The following CACNA1S variants were observed in gnomAD, a reference collection of about 807,000 sequenced individuals.
The protein encoded by CACNA1S is calcium voltage-gated channel subunit alpha1 S, also known as voltage-dependent L-type calcium channel subunit alpha-1S.
CACNA1S carries 126 observed loss-of-function variants against 207.4 expected under a neutral mutation model. That is an observed-to-expected ratio of 0.61 (90% confidence interval 0.53 to 0.70). The LOEUF (loss-of-function observed/expected upper bound fraction) is 0.70, where lower values mean the gene tolerates loss of function less well. CACNA1S is among the 30% of genes least tolerant of loss of function. The pLI is 0.00. For missense variants in CACNA1S, 2,349 were observed against 2,422.8 expected (o/e 0.97, Z 0.64); for synonymous variants, 960 against 932.7 (o/e 1.03, Z -0.53).
chr1:201,061,434 C>A lies in CACNA1S; in HGVS notation c.3088G>T (p.Asp1030Tyr), dbSNP rs755149027. ...LYKAIDSNAE[D>Y]VGPIYNNRVE... ...CGGTTGTTGTAGATGGGACCCACGT[C>A]CTCCGCATTGGAGTCTATGGCCTTG... The change falls in exon 25 of 44, where the codon GAC (aspartate) becomes TAC (tyrosine). Residue 1030 changes from aspartate to tyrosine, a missense_variant. Physicochemically the swap from Asp to Tyr is radical, Grantham distance 160. Coordinates refer to ENST00000362061, the MANE Select transcript of CACNA1S (RefSeq NM_000069.3). 2 of 1,614,210 alleles carry A rather than the reference C, an allele frequency of 1.2e-6. No homozygotes were observed. The highest frequency in any genetic ancestry group is 4.5e-5 in the East Asian group (2 of 44,882).
chr1:201,085,659 G>A, intron 7 of CACNA1S, 78 bp from the exon 8 acceptor site: 3 of 1,549,294 alleles, frequency 1.9e-6, no homozygotes, highest in Non-Finnish European at 2.7e-6. Context: ...CCTGAGGACA[G>A]ACAAGCCCAT....
chr1:201,087,139 C>T (rs1341975982), intron 7 of CACNA1S, among the ~76,000 whole-genome samples: 1 of 152,070 alleles, frequency 6.6e-6, no homozygotes. Flanking sequence ...GAGAACAGCT[C>T]TCATTAATAA....
At chr1:201,104,393 T>G (rs1056382312) in intron 2 of CACNA1S, among the ~76,000 whole-genome samples, 1 of 152,230 alleles carries the variant, frequency 6.6e-6, no homozygotes, top group Non-Finnish European at 1.5e-5. Context: ...TAGGAGGGAA[T>G]GTAACTTTGT....
Position 201,094,064 on chromosome 1 carries a change from G to A in CACNA1S, c.259-43C>T, listed in dbSNP as rs114176807. On this transcript the variant is annotated intron_variant, in intron 2 of 43. Transcript: ENST00000362061. ...GTCACAGCATGCCTCTGTGCTCTCT[G>A]AGTGCACCCTTGCTCTCTTCCCTGC... 1.1e-3 allele frequency: 1,728 copies of A among 1,613,132 alleles called. 17 individuals carry two copies. The African/African-American group carries it at 0.02, about 19-fold the overall frequency.
intron 11 of CACNA1S, 93 bp from the exon 12 acceptor site, chr1:201,077,220 G>T: frequency 9.3e-7 from 1 of 1,071,368 alleles, no homozygotes; most frequent in Non-Finnish European, 1.4e-6. Flanking sequence ...ACTCAGGACT[G>T]ATGTGACACA....
intron 19 of CACNA1S, among the ~76,000 whole-genome samples, chr1:201,068,629 T>C (rs995355357): frequency 1.3e-5 from 2 of 151,374 alleles, no homozygotes; most frequent in Non-Finnish European, 2.9e-5. Flanking sequence ...TCCCAGCACT[T>C]TGGGAGGCTG....
chr1:201,095,845 G>A (rs891484136), intron 2 of CACNA1S, among the ~76,000 whole-genome samples: 18 of 152,188 alleles, frequency 1.2e-4, no homozygotes, highest in East Asian at 3.9e-4. Flanking sequence ...CAAGAGGAGC[G>A]GGCTGGAGCA....
chr1:201,073,429 A>T, intron 15 of CACNA1S, 120 bp downstream of exon 15: 2 of 836,694 alleles, frequency 2.4e-6, no homozygotes, highest in Non-Finnish European at 4.2e-6. Flanking sequence ...AGATGCCCTC[A>T]CCTGGCTGAT....
At chr1:201,052,281 A>C (rs748458471) in intron 32 of CACNA1S, among the ~76,000 whole-genome samples, 9 of 152,170 alleles carry the variant, frequency 5.9e-5, no homozygotes, top group Non-Finnish European at 1.2e-4. Flanking sequence ...CTCTTGCTTC[A>C]TGGGGATGAG....
intron 3 of CACNA1S, 87 bp downstream of exon 3, chr1:201,093,795 C>T: frequency 6.6e-7 from 1 of 1,525,704 alleles, no homozygotes; most frequent in Non-Finnish European, 9.1e-7. Flanking sequence ...AGTCCCACCC[C>T]ACCTCTAAGA....
At chr1:201,050,960 C>A in intron 33 of CACNA1S, 24 bp downstream of exon 33, 1 of 1,613,454 alleles carries the variant, frequency 6.2e-7, no homozygotes, top group African/African-American at 1.3e-5. Flanking sequence ...CCTCTCCCTG[C>A]CCCGCAGGCC....
intron 39 of CACNA1S, among the ~76,000 whole-genome samples, chr1:201,043,765 G>A (rs547336148): frequency 6.6e-6 from 1 of 152,272 alleles, no homozygotes; most frequent in African/African-American, 2.4e-5. Context: ...AGGGGACACA[G>A]GCACACAGAA....
intron 40 of CACNA1S, 78 bp from the exon 41 acceptor site, chr1:201,041,667 A>T (rs1660218614): frequency 6.4e-6 from 7 of 1,097,474 alleles, no homozygotes; most frequent in Non-Finnish European, 8.3e-6. Context: ...GGCCCCAAAC[A>T]TCCTTTTCCC....
At chr1:201,088,132 C>A (rs1255748023) in intron 6 of CACNA1S, among the ~76,000 whole-genome samples, 1 of 152,106 alleles carries the variant, frequency 6.6e-6, no homozygotes, top group Non-Finnish European at 1.5e-5. Context: ...AAGGATCTCC[C>A]TAGGGAGACC....
intron 10 of CACNA1S, among the ~76,000 whole-genome samples, chr1:201,079,780 C>G (rs114320021): frequency 6.6e-4 from 101 of 152,262 alleles, no homozygotes; most frequent in African/African-American, 2.4e-3. Context: ...ATGCCCTGAC[C>G]CCATTGCTGC....
intron 1 of CACNA1S, among the ~76,000 whole-genome samples, chr1:201,111,435 C>T (rs1663100936): frequency 6.6e-6 from 1 of 152,150 alleles, no homozygotes; most frequent in South Asian, 2.1e-4. Flanking sequence ...ATATTTTCAT[C>T]ATTCTCCCCA....
In CACNA1S at chr1:201,060,668, A is replaced by T. The variant is rs1249159413; in HGVS notation, c.3404T>A (p.Leu1135His). ...FALIMLNTIC[L>H]GMQHYNQSEQ... ...CTGGGGAGCCCTTACCTGCATGCCGAGGCAGATGGTGTTGAGCATGATGAG... is the reference window on the plus strand; with the variant it reads ...CTGGGGAGCCCTTACCTGCATGCCGTGGCAGATGGTGTTGAGCATGATGAG... The change falls in exon 26 of 44, where the codon CTC becomes CAC. Residue 1135 changes from leucine (L) to histidine (H), a missense_variant. By Grantham distance (99) the Leu-to-His change is moderately conservative (BLOSUM62 -3). Transcript: ENST00000362061. 4 of 1,614,010 alleles carry T rather than the reference A, an allele frequency of 2.5e-6. No homozygotes were observed.
intron 10 of CACNA1S, 115 bp from the exon 11 acceptor site, chr1:201,078,219 C>T: frequency 1.2e-6 from 1 of 850,486 alleles, no homozygotes; most frequent in Non-Finnish European, 2.0e-6. Context: ...TCCAAGGCAC[C>T]ATGGATGTTT....
intron 23 of CACNA1S, 143 bp from the exon 24 acceptor site, chr1:201,062,233 C>T (rs780585202): frequency 8.9e-5 from 101 of 1,138,716 alleles, no homozygotes; most frequent in Middle Eastern, 2.8e-4. Flanking sequence ...TGGGCGAGTC[C>T]GAGGAAAGGG....
Sources: allele counts gnomAD v4.1 joint callset (sites outside exome capture counted in the v4.1 genomes callset), GRCh38; gene constraint gnomAD v4.1.1; transcripts MANE v1.5; gene names NCBI Gene and HGNC (gene_info 2026-07-23, HGNC 2026-07-21).